The following FOXP1 variants were observed in gnomAD, a reference collection of about 807,000 sequenced individuals.
FOXP1 encodes forkhead box protein P1.
Under a neutral mutation model 98.2 loss-of-function variants are expected in FOXP1, and 15 were observed. The ratio of observed to expected loss-of-function variants is 0.15; its 90% CI spans 0.10 to 0.24. The LOEUF (loss-of-function observed/expected upper bound fraction) is 0.24. FOXP1 is among the 10% of genes least tolerant of loss of function. The pLI is 1.00. For synonymous variants in FOXP1, 371 were observed against 314.5 expected (o/e 1.18, Z -1.90); for missense variants, 633 against 848.5 (o/e 0.75, Z 3.15).
intron 4 of FOXP1, among the ~76,000 whole-genome samples, chr3:71,343,398 GAA>G (rs2077126210): frequency 6.6e-6 from 1 of 152,100 alleles, no homozygotes; most frequent in Admixed American, 6.5e-5. Context: ...CTCTAGGAGA[GAA>G]AGGACTGAAC....
chr3:71,256,678 G>A (rs1339778033), intron 5 of FOXP1, among the ~76,000 whole-genome samples: 9 of 152,180 alleles, frequency 5.9e-5, no homozygotes, highest in Middle Eastern at 3.4e-3. Context: ...CACCGCGCCC[G>A]GCCTCTCACT....
At chr3:71,101,668 T>C (rs1397729748) in intron 7 of FOXP1, among the ~76,000 whole-genome samples, 1 of 105,286 alleles carries the variant, frequency 9.5e-6, no homozygotes, top group South Asian at 2.8e-4. Flanking sequence ...AGAAAGTGAC[T>C]GGGAAAAAGC....
intron 3 of FOXP1, among the ~76,000 whole-genome samples, chr3:71,424,541 G>C (rs185197071): frequency 6.6e-6 from 1 of 152,162 alleles, no homozygotes; most frequent in East Asian, 1.9e-4. Context: ...GGTTCTGTAA[G>C]AACACTGGGG....
chr3:71,098,907 T>C (rs1483231600), intron 7 of FOXP1, among the ~76,000 whole-genome samples: 1 of 152,218 alleles, frequency 6.6e-6, no homozygotes, highest in Non-Finnish European at 1.5e-5. Flanking sequence ...AAAATAATGC[T>C]GCTAAAAGTA....
intron 7 of FOXP1, among the ~76,000 whole-genome samples, chr3:71,109,843 A>G (rs2057762912): frequency 6.6e-6 from 1 of 152,072 alleles, no homozygotes; most frequent in East Asian, 1.9e-4. Context: ...ATCGTCTGTG[A>G]TACACACACA....
intron 2 of FOXP1, among the ~76,000 whole-genome samples, chr3:71,563,450 G>A (rs1266672700): frequency 1.3e-5 from 2 of 152,154 alleles, no homozygotes; most frequent in South Asian, 2.1e-4. Flanking sequence ...CTTACCTACC[G>A]CAAAGGCAAA....
At chr3:71,232,790 A>G (rs2066402152) in intron 5 of FOXP1, among the ~76,000 whole-genome samples, 1 of 148,378 alleles carries the variant, frequency 6.7e-6, no homozygotes, top group Admixed American at 6.8e-5. Context: ...AGTCCCAGCT[A>G]CTTGGGATGA....
intron 2 of FOXP1, among the ~76,000 whole-genome samples, chr3:71,499,455 C>T (rs2041168367): frequency 1.3e-5 from 2 of 152,324 alleles, no homozygotes; most frequent in South Asian, 2.1e-4. Flanking sequence ...CACAAGTATA[C>T]ATATGTGCAT....
At chr3:71,069,829 C>G (rs1053924703) in intron 7 of FOXP1, among the ~76,000 whole-genome samples, 1 of 152,136 alleles carries the variant, frequency 6.6e-6, no homozygotes, top group South Asian at 2.1e-4. Flanking sequence ...ATGTAGAAAT[C>G]GCTGAATATC....
chr3:71,040,379 T>C (rs1344500675), intron 11 of FOXP1: 1 of 152,198 alleles, frequency 6.6e-6, no homozygotes, highest in Non-Finnish European at 1.5e-5. Context: ...TACGGTTTCT[T>C]TACCTCTGTG....
chr3:71,437,131 A>G (rs1193315908), intron 3 of FOXP1, among the ~76,000 whole-genome samples: 1 of 152,112 alleles, frequency 6.6e-6, no homozygotes, highest in Non-Finnish European at 1.5e-5. Context: ...AGGAAAACAG[A>G]GCTGGGCATG....
intron 5 of FOXP1, among the ~76,000 whole-genome samples, chr3:71,260,695 A>G (rs1355848881): frequency 6.6e-6 from 1 of 151,862 alleles, no homozygotes; most frequent in Non-Finnish European, 1.5e-5. Context: ...GGCGCACGTC[A>G]CCATGCCTGG....
chr3:71,061,090 G>T (rs1213846507), intron 7 of FOXP1, among the ~76,000 whole-genome samples: 2 of 151,986 alleles, frequency 1.3e-5, no homozygotes, highest in Admixed American at 6.6e-5. Flanking sequence ...AGAGATACCT[G>T]AGTTTTCTTT....
chr3:71,557,716 G>C (rs532422256), intron 2 of FOXP1, among the ~76,000 whole-genome samples: 16 of 152,226 alleles, frequency 1.1e-4, no homozygotes, highest in Non-Finnish European at 1.8e-4. Flanking sequence ...GAATGACCAA[G>C]ATGCTGCATT....
At chr3:71,273,540 C>A (rs2070596479) in intron 5 of FOXP1, among the ~76,000 whole-genome samples, 1 of 152,186 alleles carries the variant, frequency 6.6e-6, no homozygotes, top group African/African-American at 2.4e-5. Flanking sequence ...CATGCCCATC[C>A]CCCTTCAGTC....
chr3:71,575,470 C>A (rs946223174), intron 2 of FOXP1, among the ~76,000 whole-genome samples: 1 of 152,194 alleles, frequency 6.6e-6, no homozygotes, highest in Non-Finnish European at 1.5e-5. Flanking sequence ...CACACACACA[C>A]ACAGATACAG....
chr3:71,415,517 A>G (rs992410510), intron 3 of FOXP1, among the ~76,000 whole-genome samples: 1 of 152,206 alleles, frequency 6.6e-6, no homozygotes, highest in African/African-American at 2.4e-5. Context: ...TGTAGAAATC[A>G]TGGATTCCAA....
intron 18 of FOXP1, chr3:70,972,241 C>T (rs1228194032): frequency 3.7e-6 from 5 of 1,359,964 alleles, no homozygotes; most frequent in Non-Finnish European, 3.9e-6. Flanking sequence ...GGGTTGGGGG[C>T]AGAACAGACA....
intron 6 of FOXP1, 23 bp from the exon 7 acceptor site, chr3:71,112,660 C>T: frequency 6.4e-7 from 1 of 1,572,860 alleles, no homozygotes; most frequent in Non-Finnish European, 8.8e-7. Flanking sequence ...ACAAGAAAAT[C>T]CTTTGCGTTA....
Sources: allele counts gnomAD v4.1 joint callset (sites outside exome capture counted in the v4.1 genomes callset), GRCh38; gene constraint gnomAD v4.1.1; transcripts MANE v1.5; gene names NCBI Gene and HGNC (gene_info 2026-07-23, HGNC 2026-07-21).